FGGY: variants seen among roughly 807,000 people sequenced by gnomAD.
FGGY encodes FGGY carbohydrate kinase domain-containing protein.
Under a neutral mutation model 71.3 loss-of-function variants are expected in FGGY, and 72 were observed. The ratio of observed to expected loss-of-function variants is 1.01; its 90% CI spans 0.84 to 1.23. The LOEUF (loss-of-function observed/expected upper bound fraction) is 1.23. Ranked by LOEUF, FGGY falls within the 50% of genes most tolerant of loss-of-function variation. The pLI is 0.00. For missense variants in FGGY, 668 were observed against 682.3 expected (o/e 0.98, Z 0.23); for synonymous variants, 251 against 250.3 (o/e 1.00, Z -0.02).
chr1:59,746,915 G>A (rs547161659), intron 14 of FGGY, among the ~76,000 whole-genome samples: 12 of 152,242 alleles, frequency 7.9e-5, no homozygotes, highest in Non-Finnish European at 1.3e-4. Flanking sequence ...TAAAAGTATA[G>A]GTTCCAAAGC....
chr1:59,370,003 G>C (rs1294269330), intron 4 of FGGY, among the ~76,000 whole-genome samples: 1 of 152,190 alleles, frequency 6.6e-6, no homozygotes, highest in Non-Finnish European at 1.5e-5. Context: ...AAAAAGCAGA[G>C]CCCCTCTCCT....
chr1:59,659,201 C>T (rs1396815337), intron 11 of FGGY, among the ~76,000 whole-genome samples: 1 of 151,500 alleles, frequency 6.6e-6, no homozygotes. Context: ...GACTCTGTCT[C>T]AAAAAAAAGA....
At chr1:59,592,189 C>T (rs1158745054) in intron 8 of FGGY, among the ~76,000 whole-genome samples, 2 of 152,220 alleles carry the variant, frequency 1.3e-5, no homozygotes, top group African/African-American at 2.4e-5. Context: ...AAAAAATGCT[C>T]ACCATCACTG....
chr1:59,738,106 G>T (rs763623174), intron 14 of FGGY, among the ~76,000 whole-genome samples: 8 of 152,126 alleles, frequency 5.3e-5, no homozygotes, highest in Non-Finnish European at 1.0e-4. Context: ...GAACCTTCAA[G>T]AATATTAATT....
intron 13 of FGGY, among the ~76,000 whole-genome samples, chr1:59,668,024 G>T (rs371209837): frequency 1.8e-4 from 27 of 152,270 alleles, no homozygotes; most frequent in South Asian, 1.7e-3. Context: ...GGGAATTTGA[G>T]CCCTAAGACC....
intron 1 of FGGY, among the ~76,000 whole-genome samples, chr1:59,312,060 G>T (rs2044440821): frequency 6.6e-6 from 1 of 152,216 alleles, no homozygotes; most frequent in Admixed American, 6.5e-5. Context: ...CTTTTGAGAA[G>T]TGTCTGCTTA....
At chr1:59,472,280 C>T (rs1197100950) in intron 6 of FGGY, among the ~76,000 whole-genome samples, 2 of 152,254 alleles carry the variant, frequency 1.3e-5, no homozygotes, top group South Asian at 2.1e-4. Context: ...GGGCCAGCAG[C>T]TGCTGTGCTC....
chr1:59,524,851 A>G (rs902403161), intron 7 of FGGY, among the ~76,000 whole-genome samples: 3 of 152,180 alleles, frequency 2.0e-5, no homozygotes, highest in Admixed American at 2.0e-4. Context: ...TAGGATAAGA[A>G]CTCAGGACCC....
At chr1:59,524,976 G>A (rs191986820) in intron 7 of FGGY, among the ~76,000 whole-genome samples, 8 of 152,356 alleles carry the variant, frequency 5.3e-5, no homozygotes, top group Admixed American at 2.0e-4. Flanking sequence ...CCTTCATGGA[G>A]CCCAGACCTA....
chr1:59,705,350 C>CTGAT (rs2097749215), intron 14 of FGGY, among the ~76,000 whole-genome samples: 2 of 152,076 alleles, frequency 1.3e-5, no homozygotes, highest in Non-Finnish European at 2.9e-5. Flanking sequence ...GTTTTTCAGA[C>CTGAT]TGATAATGTT....
intron 8 of FGGY, among the ~76,000 whole-genome samples, chr1:59,567,097 C>T (rs76752387): frequency 5.3e-5 from 8 of 152,100 alleles, no homozygotes; most frequent in African/African-American, 1.2e-4. Flanking sequence ...GAGAAGAAAT[C>T]GTGCCATACC....
chr1:59,436,763 G>A (rs773824041), intron 5 of FGGY, among the ~76,000 whole-genome samples: 2 of 152,134 alleles, frequency 1.3e-5, no homozygotes, highest in African/African-American at 2.4e-5. Context: ...GTTGAATGAC[G>A]GGGTGCAGGA....
At chr1:59,537,526 C>G (rs1192503674) in intron 7 of FGGY, among the ~76,000 whole-genome samples, 1 of 152,158 alleles carries the variant, frequency 6.6e-6, no homozygotes, top group Non-Finnish European at 1.5e-5. Context: ...CCAAAAAGAG[C>G]CCGCATCACC....
chr1:59,696,989 G>GA (rs34816683), intron 14 of FGGY, among the ~76,000 whole-genome samples: 17 of 149,986 alleles, frequency 1.1e-4, no homozygotes, highest in East Asian at 5.9e-4. Context: ...AAAATTACAT[G>GA]AAAAAAAAAA....
chr1:59,300,378 T>C (rs2042580716), intron 1 of FGGY, among the ~76,000 whole-genome samples: 1 of 152,230 alleles, frequency 6.6e-6, no homozygotes, highest in South Asian at 2.1e-4. Context: ...TTCTTTATTC[T>C]TATCATAAGT....
At chr1:59,311,621 T>A (rs2044352602) in intron 1 of FGGY, among the ~76,000 whole-genome samples, 1 of 152,242 alleles carries the variant, frequency 6.6e-6, no homozygotes, top group African/African-American at 2.4e-5. Flanking sequence ...ATGTACCACA[T>A]TTTCTTTATC....
intron 14 of FGGY, among the ~76,000 whole-genome samples, chr1:59,735,238 G>C (rs1401699115): frequency 6.6e-6 from 1 of 152,126 alleles, no homozygotes; most frequent in Non-Finnish European, 1.5e-5. Flanking sequence ...GCCCCCTTGA[G>C]AATCCCTTTT....
At chr1:59,630,869 T>G (rs1370870048) in intron 10 of FGGY, among the ~76,000 whole-genome samples, 1 of 152,150 alleles carries the variant, frequency 6.6e-6, no homozygotes. Context: ...TCCAGCTACT[T>G]TCCTGTATTT....
intron 3 of FGGY, among the ~76,000 whole-genome samples, chr1:59,340,394 A>T (rs1383027856): frequency 6.6e-6 from 1 of 152,216 alleles, no homozygotes; most frequent in Non-Finnish European, 1.5e-5. Flanking sequence ...TTTTCTGAGA[A>T]GAGAGTGTCA....
Sources: allele counts gnomAD v4.1 joint callset (sites outside exome capture counted in the v4.1 genomes callset), GRCh38; gene constraint gnomAD v4.1.1; transcripts MANE v1.5; gene names NCBI Gene and HGNC (gene_info 2026-07-23, HGNC 2026-07-21).